The following SERPINB11 variants were observed in gnomAD, a reference collection of about 807,000 sequenced individuals.
The protein encoded by SERPINB11 is serpin family B member 11, also known as serpin B11.
A neutral mutation model predicts 36.7 loss-of-function variants in SERPINB11; 32 were observed. That is an observed-to-expected ratio of 0.87 (90% CI 0.66 to 1.17). The LOEUF is 1.17. Ranked by LOEUF, SERPINB11 falls within the 50% of genes most tolerant of loss-of-function variation. The pLI is 0.00. For missense variants in SERPINB11, 528 were observed against 458.4 expected (o/e 1.15, Z -1.39); for synonymous variants, 174 against 168.1 (o/e 1.04, Z -0.27).
intron 7 of SERPINB11, among the ~76,000 whole-genome samples, chr18:63,722,350 T>C (rs1914836299): frequency 6.6e-6 from 1 of 152,080 alleles, no homozygotes. Flanking sequence ...GCTGGAGAGT[T>C]CAATGCCCGA....
chr18:63,703,708 T>C (rs1914297930), intron 1 of SERPINB11, among the ~76,000 whole-genome samples: 1 of 152,210 alleles, frequency 6.6e-6, no homozygotes, highest in African/African-American at 2.4e-5. Flanking sequence ...TGGTACATAC[T>C]GTAAGATACT....
chr18:63,720,187 T>G lies in SERPINB11; in HGVS notation c.618+32T>G, dbSNP rs569802363. ...ATTTTATTTTCAGACTCATGACAAA[T>G]GTTGGAGGATACAATAATCATTTAA... is the stretch of plus-strand genomic sequence containing the variant. On this transcript the variant is annotated intron_variant, in intron 6 of 7. Transcript: ENST00000544088. 8.8e-5 allele frequency: 137 copies of G among 1,555,198 alleles called. 1 individual carries two copies. The Admixed American group carries it at 2.3e-3, about 27-fold the overall frequency.
At chr18:63,717,217 A>C (rs1395701559) in intron 5 of SERPINB11, among the ~76,000 whole-genome samples, 1 of 152,026 alleles carries the variant, frequency 6.6e-6, no homozygotes, top group African/African-American at 2.4e-5. Context: ...TGGTTTGTTC[A>C]TTTTTATTAA....
At chr18:63,710,486 G>T in intron 2 of SERPINB11, 125 bp downstream of exon 2, 4 of 674,478 alleles carry the variant, frequency 5.9e-6, no homozygotes, top group Non-Finnish European at 9.3e-6. Flanking sequence ...AAAACACATT[G>T]AATAAATCAT....
intron 2 of SERPINB11, among the ~76,000 whole-genome samples, chr18:63,710,727 G>GA (rs1332663109): frequency 6.6e-6 from 1 of 152,086 alleles, no homozygotes; most frequent in Non-Finnish European, 1.5e-5. Context: ...ACATTACCAA[G>GA]TTAAAAAATT....
rs557383200 is a variant in SERPINB11, at chr18:63,721,555, G to A, written c.774+569G>A. Among the ~76,000 whole-genome samples the A allele has an allele frequency of 2.6e-5, 4 of 152,320 alleles. No individual in the cohort carries two copies. The East Asian group carries it at 7.7e-4, about 29-fold the overall frequency. On this transcript the variant is annotated intron_variant, in intron 7 of 7. Transcript: ENST00000544088. Reference sequence around the variant, plus strand: ...GCTTCTAACAGCTGGACGTCTGGAAGCCTGCAGAAGCTGACACACATATGG... The same window carrying A: ...GCTTCTAACAGCTGGACGTCTGGAAACCTGCAGAAGCTGACACACATATGG...
rs1914477336 is a variant in SERPINB11 at position 63,710,114 on chromosome 18, T to C, written c.-15-65T>C. ...ACTTAAACTCATGAAATACAATAAC[T>C]GAACTCCAGATACTATCTGTAACTT... is the stretch of plus-strand genomic sequence containing the variant. On this transcript the variant is annotated intron_variant, in intron 1 of 7. Coordinates refer to ENST00000544088, the MANE Select transcript of SERPINB11 (RefSeq NM_001370475.1). 3.8e-6 allele frequency: 5 copies of C among 1,309,312 alleles called. No homozygotes were observed. In the East Asian group the frequency reaches 1.3e-4, roughly 33 times the overall value. 81.1% of individuals were successfully genotyped at this position (1,309,312 alleles called of 1,614,324 possible).
rs757652662 is a variant in SERPINB11, at chr18:63,723,272, G to A, written c.1052G>A (p.Gly351Glu). 1 of 1,613,946 alleles carries A rather than the reference G, an allele frequency of 6.2e-7. No individual in the cohort carries two copies. The highest frequency in any genetic ancestry group is 1.1e-5 in the South Asian group (1 of 91,072). Residue 351 changes from glycine to glutamate, a missense_variant, in exon 8 of 8, where the codon GGG becomes GAG. Physicochemically the swap from Gly to Glu is moderately conservative, Grantham distance 98. Coordinates refer to ENST00000544088, the MANE Select transcript of SERPINB11 (RefSeq NM_001370475.1). The stretch of plus-strand genomic sequence containing the variant: ...GGCACGGAGGCAGCAGCAGCCACTG[G>A]GGACAGCATCGCTGTAAAAAGCCTA... ...EEGTEAAAAT[G>E]DSIAVKSLPM...
At chr18:63,718,495 AT>A (rs1914724944) in intron 5 of SERPINB11, among the ~76,000 whole-genome samples, 1 of 151,804 alleles carries the variant, frequency 6.6e-6, no homozygotes, top group Non-Finnish European at 1.5e-5. Context: ...AGTTTTGTAC[AT>A]TTTTTGATAA....
intron 1 of SERPINB11, 104 bp downstream of exon 1, chr18:63,703,110 C>G (rs1914281618): frequency 6.6e-6 from 1 of 152,106 alleles, no homozygotes. Context: ...GCATAATGAA[C>G]CAAATGAAGG....
chr18:63,705,879 C>T (rs1355101176), intron 1 of SERPINB11: 1 of 152,164 alleles, frequency 6.6e-6, no homozygotes, highest in African/African-American at 2.4e-5. Context: ...GGATATACTT[C>T]ACGATTGGAA....
intron 5 of SERPINB11, among the ~76,000 whole-genome samples, chr18:63,718,085 A>G (rs116115215): frequency 4.9e-4 from 75 of 152,096 alleles, no homozygotes; most frequent in African/African-American, 1.6e-3. Flanking sequence ...TGCAATGTAA[A>G]TTTTATCATA....
At chr18:63,709,678 A>C (rs918620557) in intron 1 of SERPINB11, among the ~76,000 whole-genome samples, 1 of 140,122 alleles carries the variant, frequency 7.1e-6, no homozygotes, top group African/African-American at 2.5e-5. Context: ...AATGTGCTGG[A>C]AATTTTGCGA....
intron 2 of SERPINB11, 104 bp downstream of exon 2, chr18:63,710,465 T>C (rs1914493874): frequency 1.1e-6 from 1 of 888,498 alleles, no homozygotes; most frequent in Non-Finnish European, 1.6e-6. Context: ...AATTGCCATC[T>C]TGAGAGAGAA....
At chr18:63,716,560 C>G (rs1914673425) in intron 5 of SERPINB11, among the ~76,000 whole-genome samples, 1 of 152,110 alleles carries the variant, frequency 6.6e-6, no homozygotes, top group Non-Finnish European at 1.5e-5. Flanking sequence ...TGCAACATTT[C>G]TCACTAATGG....
chr18:63,717,226 A>G (rs1400275353), intron 5 of SERPINB11, among the ~76,000 whole-genome samples: 21 of 152,042 alleles, frequency 1.4e-4, no homozygotes, highest in Admixed American at 1.4e-3. Context: ...CATTTTTATT[A>G]ATATACATTT....
chr18:63,723,731 T>A lies in SERPINB11; in HGVS notation c.*332T>A, dbSNP rs553004854. 1.0e-4 allele frequency: 21 copies of A among 207,956 alleles called. No homozygotes were observed. The East Asian group carries it at 2.1e-3, about 21-fold the overall frequency. 12.9% of individuals were successfully genotyped at this position (207,956 alleles called of 1,614,324 possible). Reference sequence around the variant, plus strand: ...TGACTTGTATGTATCTGTGAGATCTTGAATAAGTGACCTGACATCTCTGCT... The same window carrying A: ...TGACTTGTATGTATCTGTGAGATCTAGAATAAGTGACCTGACATCTCTGCT... On this transcript the variant is annotated 3_prime_UTR_variant, in exon 8 of 8. Coordinates refer to ENST00000544088, the MANE Select transcript of SERPINB11 (RefSeq NM_001370475.1).
chr18:63,710,848 C>T lies in SERPINB11; in HGVS notation c.168+487C>T, dbSNP rs566053256. On this transcript the variant is annotated intron_variant, in intron 2 of 7. Coordinates refer to ENST00000544088, the MANE Select transcript of SERPINB11 (RefSeq NM_001370475.1). ...TGACTTTTCAGGTTATATAGGCTAA[C>T]GTTAGAGATTTTCCCATTACGTATA... 1.3e-4 allele frequency among the ~76,000 whole-genome samples: 20 copies of T among 152,278 alleles called. 1 individual carries two copies. In the South Asian group the frequency reaches 3.7e-3, roughly 28 times the overall value.
At chr18:63,705,887 G>C (rs1006529130) in intron 1 of SERPINB11, 2 of 152,178 alleles carry the variant, frequency 1.3e-5, no homozygotes, top group African/African-American at 2.4e-5. Flanking sequence ...TTCACGATTG[G>C]AAGTGCTTTC....
Sources: gnomAD v4.1 joint callset for allele counts (sites outside exome capture counted in the v4.1 genomes callset) on GRCh38, gnomAD v4.1.1 for gene constraint, MANE v1.5 for transcripts, NCBI Gene and HGNC (gene_info 2026-07-23, HGNC 2026-07-21) for gene names.